Variants in TTF1 observed in about 807,000 individuals in gnomAD.
TTF1 encodes transcription termination factor, RNA polymerase I.
Under a neutral mutation model 80.2 loss-of-function variants are expected in TTF1, and 64 were observed. The ratio of observed to expected loss-of-function variants is 0.80; its 90% CI spans 0.65 to 0.98. The LOEUF is 0.98. TTF1 is among the 50% of genes least tolerant of loss of function. The pLI, the probability that TTF1 is intolerant of heterozygous loss-of-function variation, is 0.00. For missense variants in TTF1, 1,023 were observed against 1,086.2 expected, an observed-to-expected ratio of 0.94 and a Z score of 0.82; for synonymous variants, 372 against 382.7, an observed-to-expected ratio of 0.97 and a Z score of 0.33.
Position 132,390,850 on chromosome 9 carries a change from G to C in TTF1, c.1988-19C>G, listed in dbSNP as rs376812941. The C allele has an allele frequency of 2.5e-4, 405 of 1,602,940 alleles. No individual in the cohort carries two copies. The highest frequency in any genetic ancestry group is 3.4e-4 in the Non-Finnish European group (396 of 1,172,982). On this transcript the variant is annotated intron_variant, in intron 6 of 10. Transcript: ENST00000334270. ...TTTCTTTCTGTAGATATAAAAAGAT[G>C]GTCTTATAGTAGCTAGTCTATTTGC...
intron 10 of TTF1, among the ~76,000 whole-genome samples, chr9:132,376,940 G>T (rs982158053): frequency 6.6e-6 from 1 of 152,082 alleles, no homozygotes; most frequent in African/African-American, 2.4e-5. Flanking sequence ...CTTACAAAGT[G>T]TTGGGATTAC....
intron 9 of TTF1, 54 bp downstream of exon 9, chr9:132,386,502 T>C: frequency 7.4e-7 from 1 of 1,360,348 alleles, no homozygotes; most frequent in Admixed American, 1.9e-5. Context: ...GTTATTGTAT[T>C]TATTAAGTCA....
At chr9:132,381,578 C>T (rs1212804139) in intron 9 of TTF1, among the ~76,000 whole-genome samples, 2 of 152,186 alleles carry the variant, frequency 1.3e-5, no homozygotes, top group African/African-American at 2.4e-5. Context: ...GTGGGGTGCA[C>T]ATCAGCGTCA....
intron 4 of TTF1, 114 bp from the exon 5 acceptor site, chr9:132,396,625 G>A (rs930062429): frequency 4.9e-6 from 4 of 822,308 alleles, no homozygotes; most frequent in Non-Finnish European, 8.1e-6. Context: ...CCCGTGTTAA[G>A]GCTGGGATTT....
In TTF1 at chr9:132,400,105, G is replaced by A. The variant is rs746995102; in HGVS notation, c.1521C>T (p.Asp507=). The change falls in exon 3 of 11, where the codon GAC becomes GAT. Residue 507 remains aspartate (D), a synonymous_variant. Coordinates refer to ENST00000334270, the MANE Select transcript of TTF1 (RefSeq NM_007344.4). ...QLQEFIPNIK[D]RATSTIKRMY... is the part of the protein sequence containing the mutation. The stretch of plus-strand genomic sequence containing the variant: ...TCCGCTTGATTGTGCTGGTGGCCCT[G>A]TCCTTGATGTTAGGAATGAACTCCT... 6.2e-7 allele frequency: 1 copy of A among 1,614,130 alleles called. No individual in the cohort carries two copies. Among genetic ancestry groups the A allele is most frequent in the Non-Finnish European group, 8.5e-7 (1 of 1,180,026 alleles).
Position 132,400,178 on chromosome 9 carries a change from T to A in TTF1, c.1448A>T (p.Asp483Val). ...CAAATCCGCATCTGAATCATCGGCA[T>A]CTCCTGAATCTGCAGATAAGTATCT... ...EIRYLSADSG[D>V]ADDSDADLGS... Residue 483 changes from aspartate (D) to valine (V), a missense_variant, in exon 3 of 11, where the codon GAT (aspartate) becomes GTT (valine). Transcript: ENST00000334270. 6.2e-7 allele frequency: 1 copy of A among 1,614,192 alleles called. No individual in the cohort carries two copies. The highest frequency in any genetic ancestry group is 1.1e-5 in the South Asian group (1 of 91,078).
At chr9:132,380,329 T>C (rs1344142892) in intron 9 of TTF1, among the ~76,000 whole-genome samples, 1 of 152,178 alleles carries the variant, frequency 6.6e-6, no homozygotes, top group Non-Finnish European at 1.5e-5. Flanking sequence ...CCCACCTGCT[T>C]TGGCCTCCCA....
chr9:132,396,612 A>C, intron 4 of TTF1, 101 bp from the exon 5 acceptor site: 1 of 888,740 alleles, frequency 1.1e-6, no homozygotes. Flanking sequence ...AACTATCCTA[A>C]GCCCCGTGTT....
At chr9:132,379,474 G>T (rs552324568) in intron 9 of TTF1, among the ~76,000 whole-genome samples, 2 of 152,198 alleles carry the variant, frequency 1.3e-5, no homozygotes, top group African/African-American at 2.4e-5. Flanking sequence ...TGCTTACCTT[G>T]TGCTCAGCCC....
chr9:132,393,731 A>G (rs1257164787), intron 5 of TTF1, among the ~76,000 whole-genome samples: 1 of 152,140 alleles, frequency 6.6e-6, no homozygotes, highest in Non-Finnish European at 1.5e-5. Context: ...GGTCTCCCGG[A>G]CCGAGCTGGT....
rs201351306 is a variant in TTF1, at chr9:132,378,055, GGT to G, written c.2464+1002_2464+1003del. 9.6e-4 allele frequency among the ~76,000 whole-genome samples: 107 copies of G among 111,672 alleles called. 1 individual carries two copies. The highest frequency in any genetic ancestry group is 3.2e-3 in the African/African-American group (87 of 27,432). The allele number at this position is 111,672 out of a possible 152,430, so 73.3% of individuals were successfully genotyped here. ...ATGTGGTGTGTGTGTGAATGCATGT[GGT>G]GTGTGAGTGCATGTGGTGTGTGTGA... On this transcript the variant is annotated intron_variant, in intron 10 of 10. Coordinates refer to ENST00000334270, the MANE Select transcript of TTF1 (RefSeq NM_007344.4).
Position 132,398,205 on chromosome 9 carries a change from T to A in TTF1, c.1713A>T (p.Arg571Ser). Residue 571 changes from arginine to serine, a missense_variant, in exon 4 of 11, where the codon AGA becomes AGT. Arg to Ser is a moderately radical substitution (Grantham distance 110). Coordinates refer to ENST00000334270, the MANE Select transcript of TTF1 (RefSeq NM_007344.4). ...ESADKLLYTD[R>S]YPEEKSVITN... ...TGATCACAGATTTTTCCTCAGGATA[T>A]CTGTCCGTGTACAGCAGCTTGTCTG... 6.3e-7 allele frequency: 1 copy of A among 1,595,146 alleles called. No individual in the cohort carries two copies. Among genetic ancestry groups the A allele is most frequent in the East Asian group, 2.3e-5 (1 of 44,376 alleles).
At chr9:132,401,316 A>G in intron 2 of TTF1, 139 bp downstream of exon 2, 4 of 788,554 alleles carry the variant, frequency 5.1e-6, no homozygotes, top group Non-Finnish European at 6.6e-6. Context: ...ATAAGAGCAA[A>G]TCTCCACCTC....
chr9:132,404,187 T>C (rs1358182309), intron 1 of TTF1, among the ~76,000 whole-genome samples: 4 of 152,240 alleles, frequency 2.6e-5, no homozygotes, highest in Non-Finnish European at 5.9e-5. Context: ...CATCTATATA[T>C]TGTGATCTGC....
chr9:132,397,924 T>C (rs1849682478), intron 4 of TTF1, among the ~76,000 whole-genome samples: 1 of 151,578 alleles, frequency 6.6e-6, no homozygotes, highest in African/African-American at 2.4e-5. Flanking sequence ...AGGTGGAGGT[T>C]GCAGTGAGCC....
Position 132,390,822 on chromosome 9 carries a change from C to T in TTF1, c.1997G>A (p.Arg666His), listed in dbSNP as rs756664211. 6.2e-6 allele frequency: 10 copies of T among 1,613,740 alleles called. No individual in the cohort carries two copies. The highest frequency in any genetic ancestry group is 2.2e-5 in the East Asian group (1 of 44,884). Reference sequence around the variant, plus strand: ...GGTTTCAGACTTACTCCAAGCACCACGATTTCTTTCTGTAGATATAAAAAG... The same window carrying T: ...GGTTTCAGACTTACTCCAAGCACCATGATTTCTTTCTGTAGATATAAAAAG... Reference protein sequence around the residue: ...KFSQISSQRNRGAWSKSETRK... With the variant: ...KFSQISSQRNHGAWSKSETRK... Residue 666 changes from arginine to histidine, a missense_variant, in exon 7 of 11, where the codon CGT becomes CAT. By Grantham distance (29) the Arg-to-His change is conservative (BLOSUM62 0). Transcript: ENST00000334270.
Position 132,396,506 on chromosome 9 carries a change from T to C in TTF1, c.1783A>G (p.Asn595Asp). The C allele has an allele frequency of 6.2e-7, 1 of 1,614,164 alleles. No individual in the cohort carries two copies. Among genetic ancestry groups the C allele is most frequent in the East Asian group, 2.2e-5 (1 of 44,886 alleles). ...ATAAGTTTCCAGGGCCGGGCAATGT[T>C]CCTACCTAAAGTCAGAAGAAAGGTG... ...RYSFRLHIGR[N>D]IARPWKLIYY... The change falls in exon 5 of 11, where the codon AAC becomes GAC. Residue 595 changes from asparagine to aspartate, a missense_variant. Coordinates refer to ENST00000334270, the MANE Select transcript of TTF1 (RefSeq NM_007344.4).
rs1157281973 is a variant in TTF1 at position 132,396,463 on chromosome 9, T to A, written c.1826A>T (p.Lys609Met). The change falls in exon 5 of 11, where the codon AAG becomes ATG. Residue 609 changes from lysine (K) to methionine (M), a missense_variant. By Grantham distance (95) the Lys-to-Met change is moderately conservative. Coordinates refer to ENST00000334270, the MANE Select transcript of TTF1 (RefSeq NM_007344.4). ...TTTGTAATTGTTGACATCGAACATC[T>A]TCTTTGCTCGATAGTATATAAGTTT... ...PWKLIYYRAK[K>M]MFDVNNYKGR... The A allele has an allele frequency of 6.2e-7, 1 of 1,614,192 alleles. No homozygotes were observed. Among genetic ancestry groups the A allele is most frequent in the Non-Finnish European group, 8.5e-7 (1 of 1,180,030 alleles).
intron 7 of TTF1, among the ~76,000 whole-genome samples, chr9:132,389,334 C>A (rs1271056525): frequency 1.3e-5 from 2 of 151,884 alleles, no homozygotes; most frequent in Non-Finnish European, 2.9e-5. Flanking sequence ...AGATGCCCGC[C>A]ATCCCGCCGG....
Sources: gnomAD v4.1 joint callset for allele counts (sites outside exome capture counted in the v4.1 genomes callset) on GRCh38, gnomAD v4.1.1 for gene constraint, MANE v1.5 for transcripts, NCBI Gene and HGNC (gene_info 2026-07-23, HGNC 2026-07-21) for gene names.